STOX1: variants seen among roughly 807,000 people sequenced by gnomAD.
The protein encoded by STOX1 is storkhead-box protein 1.
In STOX1, 57 loss-of-function variants were observed where a neutral mutation model predicts 74.8. That is an observed-to-expected ratio of 0.76 (90% CI 0.62 to 0.95). The LOEUF is 0.95. Among genes scored for constraint, STOX1 ranks in the 40% least tolerant of loss-of-function variants. The pLI is 0.00. For synonymous variants in STOX1, 375 were observed against 401.3 expected (o/e 0.93, Z 0.78); for missense variants, 1,010 against 1,117.0 (o/e 0.90, Z 1.37).
chr10:68,893,477 G>A (rs911603630), downstream of STOX1, among the ~76,000 whole-genome samples: 5 of 152,160 alleles, frequency 3.3e-5, no homozygotes, highest in African/African-American at 1.2e-4. Context: ...GAGTGCAGTC[G>A]CACAATCTCG....
At chr10:68,850,442 T>C (rs1839955208) in intron 1 of STOX1, among the ~76,000 whole-genome samples, 1 of 152,216 alleles carries the variant, frequency 6.6e-6, no homozygotes, top group African/African-American at 2.4e-5. Flanking sequence ...CTTAAAGTGC[T>C]GTAGAGCTCA....
At chr10:68,886,721 G>A in intron 3 of STOX1, 103 bp downstream of exon 3, 5 of 1,007,542 alleles carry the variant, frequency 5.0e-6, no homozygotes, top group Non-Finnish European at 7.5e-6. Flanking sequence ...GAGGTCAAGA[G>A]ATTGAGACCA....
In STOX1 at chr10:68,884,948, CGAA is replaced by C; in HGVS notation, c.1156_1158del (p.Glu386del). 1 of 1,614,014 alleles carries C rather than the reference CGAA, an allele frequency of 6.2e-7. No homozygotes were observed. The highest frequency in any genetic ancestry group is 8.5e-7 in the Non-Finnish European group (1 of 1,180,016). ...AACACACTGTCCTAATGCAAAAATA[CGAA>C]GAACAGAAAAAATATAATAGCCAGG... On this transcript the variant is annotated inframe_deletion, in exon 3 of 4. Transcript: ENST00000298596.
intron 1 of STOX1, among the ~76,000 whole-genome samples, chr10:68,873,427 A>AT (rs1213096161): frequency 5.4e-5 from 8 of 149,002 alleles, no homozygotes; most frequent in African/African-American, 2.0e-4. Context: ...CGCCCAGCTA[A>AT]TTTTTTTGTA....
intron 2 of STOX1, 71 bp downstream of exon 2, chr10:68,882,181 A>C: frequency 6.8e-7 from 1 of 1,471,304 alleles, no homozygotes. Context: ...ATTAGTCTTA[A>C]GCACATAAAC....
intron 1 of STOX1, among the ~76,000 whole-genome samples, chr10:68,836,162 GC>G (rs1430558640): frequency 9.2e-5 from 14 of 152,208 alleles, no homozygotes; most frequent in African/African-American, 3.1e-4. Context: ...GAGCCACCAC[GC>G]CCCGCCCTTG....
At chr10:68,882,594 G>A (rs1280025458) in intron 2 of STOX1, among the ~76,000 whole-genome samples, 1 of 151,772 alleles carries the variant, frequency 6.6e-6, no homozygotes, top group East Asian at 1.9e-4. Flanking sequence ...GCCTCCCCGG[G>A]TTCAAGCGAT....
At chr10:68,860,612 A>C (rs1191500085) in intron 1 of STOX1, among the ~76,000 whole-genome samples, 2 of 147,318 alleles carry the variant, frequency 1.4e-5, no homozygotes, top group East Asian at 4.1e-4. Context: ...GGCCACACTT[A>C]TGTCATATGT....
At chr10:68,894,673 G>T (rs1461120736), downstream of STOX1, among the ~76,000 whole-genome samples, 1 of 152,132 alleles carries the variant, frequency 6.6e-6, no homozygotes, top group Non-Finnish European at 1.5e-5. Flanking sequence ...TTTTAGGGGG[G>T]TCTCACAGCA....
At chr10:68,863,859 G>A (rs1840329488) in intron 1 of STOX1, among the ~76,000 whole-genome samples, 1 of 150,662 alleles carries the variant, frequency 6.6e-6, no homozygotes, top group South Asian at 2.1e-4. Flanking sequence ...TGCTTTTTGA[G>A]CTGAAGTAAT....
chr10:68,828,452 G>T (rs543342713), intron 1 of STOX1, among the ~76,000 whole-genome samples: 1 of 152,162 alleles, frequency 6.6e-6, no homozygotes, highest in Non-Finnish European at 1.5e-5. Context: ...GTTCCCTCCC[G>T]CTAGGACACT....
At chr10:68,873,792 A>G (rs1266670170) in intron 1 of STOX1, among the ~76,000 whole-genome samples, 1 of 149,706 alleles carries the variant, frequency 6.7e-6, no homozygotes, top group Non-Finnish European at 1.5e-5. Flanking sequence ...CTGGGATTAC[A>G]GGCGCCCGCC....
intron 1 of STOX1, among the ~76,000 whole-genome samples, chr10:68,866,800 T>A (rs1203190669): frequency 1.3e-5 from 2 of 152,022 alleles, no homozygotes; most frequent in Non-Finnish European, 2.9e-5. Context: ...GGGACAAGCA[T>A]TGTATAGGGG....
intron 1 of STOX1, among the ~76,000 whole-genome samples, chr10:68,873,395 G>A (rs1840585842): frequency 1.3e-5 from 2 of 151,470 alleles, no homozygotes; most frequent in African/African-American, 4.9e-5. Flanking sequence ...TGAGTAGCTG[G>A]GACTCCAGGC....
rs563492685 is a variant in STOX1, at chr10:68,884,744, A to G, written c.948A>G (p.Leu316=). The G allele has an allele frequency of 3.0e-5, 48 of 1,614,182 alleles. No individual in the cohort carries two copies. Among genetic ancestry groups the G allele is most frequent in the East Asian group, 1.3e-4 (6 of 44,892 alleles). The part of the protein sequence containing the change: ...EKGKKFGFSL[L]WRSLSRKEKP... ...GCAAGAAGTTTGGTTTTAGTCTCTT[A>G]TGGCGCAGCTTATCTAGAAAGGAGA... The change falls in exon 3 of 4, where the codon TTA becomes TTG. Residue 316 remains leucine (L), a synonymous_variant. Coordinates refer to ENST00000298596, the MANE Select transcript of STOX1 (RefSeq NM_152709.5).
At chr10:68,843,201 CT>C (rs1839739660) in intron 1 of STOX1, among the ~76,000 whole-genome samples, 1 of 152,076 alleles carries the variant, frequency 6.6e-6, no homozygotes, top group East Asian at 1.9e-4. Context: ...ACCACACCAG[CT>C]ACTTTTTTTT....
Position 68,885,919 on chromosome 10 carries a change from T to G in STOX1, c.2123T>G (p.Leu708Arg). The change falls in exon 3 of 4, where the codon CTA (leucine) becomes CGA (arginine). Residue 708 changes from leucine to arginine, a missense_variant. Coordinates refer to ENST00000298596, the MANE Select transcript of STOX1 (RefSeq NM_152709.5). ...GFVQDAETTS[L>R]ENEQLSNDDQ... The stretch of plus-strand genomic sequence containing the variant: ...GTCCAGGATGCAGAGACTACAAGCC[T>G]AGAAAATGAACAGCTTTCTAACGAT... 2.5e-6 allele frequency: 4 copies of G among 1,614,196 alleles called. No homozygotes were observed. Among genetic ancestry groups the G allele is most frequent in the Non-Finnish European group, 3.4e-6 (4 of 1,180,026 alleles).
intron 1 of STOX1, among the ~76,000 whole-genome samples, chr10:68,881,505 G>A (rs944552951): frequency 2.6e-5 from 4 of 152,236 alleles, no homozygotes; most frequent in Non-Finnish European, 5.9e-5. Context: ...CACTTTACTT[G>A]CTTTTAGACT....
At chr10:68,839,467 C>A (rs989924885) in intron 1 of STOX1, among the ~76,000 whole-genome samples, 10 of 149,550 alleles carry the variant, frequency 6.7e-5, no homozygotes, top group African/African-American at 2.5e-4. Flanking sequence ...AAGCAATCCT[C>A]CCACTTTGGC....
Sources: allele counts gnomAD v4.1 joint callset (sites outside exome capture counted in the v4.1 genomes callset), GRCh38; gene constraint gnomAD v4.1.1; transcripts MANE v1.5; gene names NCBI Gene and HGNC (gene_info 2026-07-23, HGNC 2026-07-21).